The following KLHL32 variants were observed in gnomAD, a reference collection of about 807,000 sequenced individuals.
The protein encoded by KLHL32 is kelch like family member 32.
KLHL32 carries 35 observed loss-of-function variants against 64.8 expected under a neutral mutation model. That is an observed-to-expected ratio of 0.54 (90% CI 0.41 to 0.72). The LOEUF is 0.72. Among genes scored for constraint, KLHL32 ranks in the 30% least tolerant of loss-of-function variants. The pLI is 0.00. For synonymous variants in KLHL32, 259 were observed against 281.0 expected (o/e 0.92, Z 0.78); for missense variants, 589 against 768.5 (o/e 0.77, Z 2.76).
Position 97,139,541 on chromosome 6 carries a change from G to T in KLHL32, c.*259G>T. Reference sequence around the variant, plus strand: ...ATTTAAGGTATATTGTGTTCCATGGGTCTTTAGAGCATTCTTTGTACACTT... The same window carrying T: ...ATTTAAGGTATATTGTGTTCCATGGTTCTTTAGAGCATTCTTTGTACACTT... On this transcript the variant is annotated 3_prime_UTR_variant, in exon 11 of 11. Coordinates refer to ENST00000369261, the MANE Select transcript of KLHL32 (RefSeq NM_052904.4). 1 of 356,808 alleles carries T rather than the reference G, an allele frequency of 2.8e-6. No individual in the cohort carries two copies. Among genetic ancestry groups the T allele is most frequent in the Non-Finnish European group, 5.0e-6 (1 of 198,396 alleles). 22.1% of individuals were successfully genotyped at this position (356,808 alleles called of 1,614,324 possible).
At chr6:96,982,130 A>T (rs1169301779) in intron 3 of KLHL32, among the ~76,000 whole-genome samples, 1 of 152,108 alleles carries the variant, frequency 6.6e-6, no homozygotes, top group Non-Finnish European at 1.5e-5. Flanking sequence ...TCAATGATCT[A>T]TCTAATAGTA....
intron 2 of KLHL32, among the ~76,000 whole-genome samples, chr6:96,969,579 G>T (rs778603611): frequency 1.3e-5 from 2 of 152,188 alleles, no homozygotes; most frequent in Non-Finnish European, 2.9e-5. Flanking sequence ...AAAATCTTCA[G>T]ATTCAACAAG....
At chr6:97,082,530 A>G (rs4839897) in intron 5 of KLHL32, among the ~76,000 whole-genome samples, 146,557 of 151,906 alleles carry the variant, frequency 0.96, 70,747 homozygotes, top group East Asian at 1. Context: ...GGAGAATGGC[A>G]TGAACCCGGG....
intron 1 of KLHL32, among the ~76,000 whole-genome samples, chr6:96,937,584 G>A (rs574650601): frequency 1.4e-4 from 22 of 152,258 alleles, no homozygotes; most frequent in African/African-American, 4.8e-4. Flanking sequence ...CTCCTCACAC[G>A]TTTTCTATTA....
At chr6:97,099,172 C>G (rs564712907) in intron 6 of KLHL32, among the ~76,000 whole-genome samples, 1 of 152,190 alleles carries the variant, frequency 6.6e-6, no homozygotes, top group Non-Finnish European at 1.5e-5. Flanking sequence ...CTTCTTCCCT[C>G]ATACACCTGC....
At chr6:96,902,083 AT>A in the KLHL32 span, among the ~76,000 whole-genome samples, 1 of 152,200 alleles carries the variant, frequency 6.6e-6, no homozygotes, top group African/African-American at 2.4e-5. Flanking sequence ...AACAATTTAT[AT>A]TCCTTTGAGT....
At chr6:97,041,149 G>A (rs1468755364) in intron 3 of KLHL32, among the ~76,000 whole-genome samples, 3 of 152,194 alleles carry the variant, frequency 2.0e-5, no homozygotes, top group South Asian at 2.1e-4. Context: ...TGGGCAGGAT[G>A]TTTGGCATTG....
In KLHL32 at chr6:97,139,558, T is replaced by C. The variant is rs887896801; in HGVS notation, c.*276T>C. On this transcript the variant is annotated 3_prime_UTR_variant, in exon 11 of 11. Coordinates refer to ENST00000369261, the MANE Select transcript of KLHL32 (RefSeq NM_052904.4). Reference sequence around the variant, plus strand: ...TTCCATGGGTCTTTAGAGCATTCTTTGTACACTTTTTCTAATCAGCACTGT... The same window carrying C: ...TTCCATGGGTCTTTAGAGCATTCTTCGTACACTTTTTCTAATCAGCACTGT... 1 of 308,458 alleles carries C rather than the reference T, an allele frequency of 3.2e-6. No homozygotes were observed. The highest frequency in any genetic ancestry group is 2.2e-5 in the African/African-American group (1 of 45,970). 19.1% of individuals were successfully genotyped at this position (308,458 alleles called of 1,614,324 possible).
At chr6:97,121,785 A>T (rs1375802411) in intron 7 of KLHL32, among the ~76,000 whole-genome samples, 1 of 152,204 alleles carries the variant, frequency 6.6e-6, no homozygotes, top group Non-Finnish European at 1.5e-5. Flanking sequence ...TTGTTCTACT[A>T]AAGAATATGT....
chr6:96,999,524 A>T (rs1243822304), intron 3 of KLHL32: 1 of 977,354 alleles, frequency 1.0e-6, no homozygotes. Context: ...TTTTGAAGTG[A>T]ACAATTCCTG....
At chr6:97,126,576 A>G (rs188396536) in intron 7 of KLHL32, among the ~76,000 whole-genome samples, 1 of 152,258 alleles carries the variant, frequency 6.6e-6, no homozygotes, top group Admixed American at 6.5e-5. Flanking sequence ...ACACCACAAT[A>G]GCAATTGCAC....
At chr6:97,087,526 G>A (rs554330624) in intron 6 of KLHL32, among the ~76,000 whole-genome samples, 1 of 152,306 alleles carries the variant, frequency 6.6e-6, no homozygotes, top group South Asian at 2.1e-4. Flanking sequence ...CATTGACTTT[G>A]ACAAATCCCT....
At chr6:97,030,896 T>C (rs541072124) in intron 3 of KLHL32, among the ~76,000 whole-genome samples, 2 of 152,318 alleles carry the variant, frequency 1.3e-5, no homozygotes, top group African/African-American at 4.8e-5. Flanking sequence ...GTTTTGAAGA[T>C]GATATTGGTT....
In KLHL32 at chr6:96,942,654, GGTGT is replaced by G. The variant is rs373680196; in HGVS notation, c.-66+17662_-66+17665del. Among the ~76,000 whole-genome samples the G allele has an allele frequency of 5.4e-3, 784 of 144,244 alleles. 8 individuals are homozygous for G. The highest frequency in any genetic ancestry group is 7.0e-3 in the Middle Eastern group (2 of 284). The allele number at this position is 144,244 out of a possible 152,430, so 94.6% of individuals were successfully genotyped here. A position where few individuals can be genotyped will look rare whatever the true frequency, so the allele number is the denominator to read the frequency against. On this transcript the variant is annotated intron_variant, in intron 1 of 10. Transcript: ENST00000369261. The stretch of plus-strand genomic sequence containing the variant: ...TAACAGTGACTTGCTACAGCTGTGG[GGTGT>G]GTGTGTGTGTGTGTGTGTGTGTGTG...
intron 1 of KLHL32, among the ~76,000 whole-genome samples, chr6:96,928,076 G>T (rs768383583): frequency 4.6e-5 from 7 of 152,162 alleles, no homozygotes; most frequent in Non-Finnish European, 5.9e-5. Context: ...GCAGGTTATA[G>T]ACATGTACAT....
chr6:97,090,478 A>G (rs1034806922), intron 6 of KLHL32, among the ~76,000 whole-genome samples: 1 of 152,148 alleles, frequency 6.6e-6, no homozygotes, highest in South Asian at 2.1e-4. Context: ...TTACAGTTTG[A>G]ATTAATCATT....
At chr6:96,930,431 G>A (rs1279959304) in intron 1 of KLHL32, among the ~76,000 whole-genome samples, 2 of 152,114 alleles carry the variant, frequency 1.3e-5, no homozygotes, top group Admixed American at 1.3e-4. Context: ...TTCCTCATCT[G>A]TAAAATGGGA....
chr6:96,951,209 A>G (rs1772540419), intron 1 of KLHL32, among the ~76,000 whole-genome samples: 1 of 152,152 alleles, frequency 6.6e-6, no homozygotes, highest in Admixed American at 6.5e-5. Flanking sequence ...TGAGTAGGAC[A>G]GGGAAGAAGC....
chr6:97,029,285 C>G (rs1393335939), intron 3 of KLHL32, among the ~76,000 whole-genome samples: 4 of 152,156 alleles, frequency 2.6e-5, no homozygotes, highest in Admixed American at 2.6e-4. Flanking sequence ...TAGGAAGCAA[C>G]TGTGCCAAGA....
Sources: gnomAD v4.1 joint callset for allele counts (sites outside exome capture counted in the v4.1 genomes callset) on GRCh38, gnomAD v4.1.1 for gene constraint, MANE v1.5 for transcripts, NCBI Gene and HGNC (gene_info 2026-07-23, HGNC 2026-07-21) for gene names.